ASTN2: variants seen among roughly 807,000 people sequenced by gnomAD.
ASTN2 encodes astrotactin 2.
Under a neutral mutation model 139.8 loss-of-function variants are expected in ASTN2, and 54 were observed. That is an observed-to-expected ratio of 0.39 (90% CI 0.31 to 0.48). The LOEUF is 0.48. Ranked by LOEUF, ASTN2 falls within the 20% of genes least tolerant of loss-of-function variation. The probability of loss-of-function intolerance (pLI) is 0.95; values close to 1 mark genes in which losing one functional copy is unlikely to be tolerated. For synonymous variants in ASTN2, 756 were observed against 719.5 expected (o/e 1.05, Z -0.81); for missense variants, 1,565 against 1,725.1 (o/e 0.91, Z 1.64).
At chr9:116,965,552 T>C (rs1835989782) in intron 10 of ASTN2, among the ~76,000 whole-genome samples, 1 of 152,140 alleles carries the variant, frequency 6.6e-6, no homozygotes, top group Middle Eastern at 3.2e-3. Flanking sequence ...GGTTGTACAA[T>C]AGAAGAGAAT....
intron 2 of ASTN2, among the ~76,000 whole-genome samples, chr9:117,223,108 C>T (rs1031902487): frequency 3.3e-5 from 5 of 151,964 alleles, no homozygotes; most frequent in Non-Finnish European, 5.9e-5. Context: ...TTTTTTATGC[C>T]GTAGGGTGGC....
chr9:117,096,385 C>T (rs1564423983), intron 4 of ASTN2, among the ~76,000 whole-genome samples: 1 of 152,166 alleles, frequency 6.6e-6, no homozygotes, highest in Admixed American at 6.5e-5. Context: ...AGAAAACACA[C>T]CTTTCTGAGC....
intron 2 of ASTN2, among the ~76,000 whole-genome samples, chr9:117,232,118 G>A (rs1293165180): frequency 6.6e-6 from 1 of 152,106 alleles, no homozygotes; most frequent in African/African-American, 2.4e-5. Context: ...AAAAGTAACA[G>A]CAAAAGGTAA....
intron 2 of ASTN2, among the ~76,000 whole-genome samples, chr9:117,227,136 C>T (rs1305543860): frequency 6.6e-6 from 1 of 152,084 alleles, no homozygotes; most frequent in African/African-American, 2.4e-5. Context: ...GGGTGAGGGT[C>T]ATGGTCAGGG....
At chr9:117,189,030 G>A (rs1308614182) in intron 3 of ASTN2, among the ~76,000 whole-genome samples, 2 of 152,016 alleles carry the variant, frequency 1.3e-5, no homozygotes, top group African/African-American at 4.8e-5. Flanking sequence ...GTCCCCACCT[G>A]GGACAGTGGG....
intron 22 of ASTN2, among the ~76,000 whole-genome samples, chr9:116,429,733 A>G (rs919775013): frequency 1.3e-5 from 2 of 152,178 alleles, no homozygotes; most frequent in African/African-American, 4.8e-5. Context: ...TTTATAACTC[A>G]GTGACAAGAG....
At chr9:117,321,742 GA>G (rs1828331513) in intron 1 of ASTN2, among the ~76,000 whole-genome samples, 1 of 152,084 alleles carries the variant, frequency 6.6e-6, no homozygotes, top group African/African-American at 2.4e-5. Flanking sequence ...CTCAACATTG[GA>G]ACTATTCACA....
At chr9:116,615,261 T>C (rs1270525710) in intron 19 of ASTN2, among the ~76,000 whole-genome samples, 1 of 152,148 alleles carries the variant, frequency 6.6e-6, no homozygotes, top group Non-Finnish European at 1.5e-5. Context: ...ATAGGAAGAC[T>C]TTTACACTGT....
intron 19 of ASTN2, chr9:116,552,299 T>G (rs1291210308): frequency 6.6e-6 from 1 of 152,204 alleles, no homozygotes; most frequent in African/African-American, 2.4e-5. Flanking sequence ...TTTTGCTCAT[T>G]TTATTTATTT....
At chr9:117,104,829 TA>T (rs1829064659) in intron 4 of ASTN2, among the ~76,000 whole-genome samples, 1 of 152,184 alleles carries the variant, frequency 6.6e-6, no homozygotes. Context: ...AAGTACTCTT[TA>T]TTGCTGCAGT....
At chr9:117,329,180 C>CTTTT (rs749880987) in intron 1 of ASTN2, among the ~76,000 whole-genome samples, 5 of 82,574 alleles carry the variant, frequency 6.1e-5, no homozygotes, top group East Asian at 4.6e-4. Flanking sequence ...CTTCCAAGTT[C>CTTTT]TTTTTTTTTT....
intron 5 of ASTN2, among the ~76,000 whole-genome samples, chr9:117,071,237 C>A (rs1402271353): frequency 6.6e-6 from 1 of 151,542 alleles, no homozygotes; most frequent in African/African-American, 2.4e-5. Flanking sequence ...ATAGACAGGA[C>A]CCTCAGCTGC....
intron 3 of ASTN2, among the ~76,000 whole-genome samples, chr9:117,191,283 A>G (rs1831341809): frequency 4.6e-5 from 7 of 151,878 alleles, no homozygotes. Context: ...ATTATGAAGC[A>G]GTCATGAGAT....
chr9:117,176,775 T>C (rs535500922), intron 3 of ASTN2, among the ~76,000 whole-genome samples: 1 of 152,192 alleles, frequency 6.6e-6, no homozygotes, highest in South Asian at 2.1e-4. Flanking sequence ...TCCAAAAAAT[T>C]GTTTTAATTA....
intron 10 of ASTN2, among the ~76,000 whole-genome samples, chr9:116,893,159 T>TCACTCA (rs1833804411): frequency 6.7e-6 from 1 of 149,232 alleles, no homozygotes; most frequent in Admixed American, 6.7e-5. Flanking sequence ...TAAAGGTGTA[T>TCACTCA]CACACACACA....
chr9:116,802,127 C>T (rs1830879513), intron 13 of ASTN2, among the ~76,000 whole-genome samples: 2 of 140,232 alleles, frequency 1.4e-5, no homozygotes, highest in Non-Finnish European at 3.0e-5. Context: ...CTTGCTCTGT[C>T]TCCCAGGCTG....
intron 4 of ASTN2, among the ~76,000 whole-genome samples, chr9:117,103,015 A>G (rs1194834402): frequency 6.6e-6 from 1 of 152,118 alleles, no homozygotes; most frequent in Non-Finnish European, 1.5e-5. Flanking sequence ...TGAAAGAATC[A>G]AGAGCTCAGA....
chr9:117,200,893 G>T (rs1188816491), intron 3 of ASTN2, among the ~76,000 whole-genome samples: 5 of 152,034 alleles, frequency 3.3e-5, no homozygotes, highest in African/African-American at 1.2e-4. Context: ...AGTTAGGAAG[G>T]AGTCCCTCCT....
At chr9:116,907,827 G>A (rs754056030) in intron 10 of ASTN2, among the ~76,000 whole-genome samples, 1 of 152,190 alleles carries the variant, frequency 6.6e-6, no homozygotes, top group South Asian at 2.1e-4. Flanking sequence ...GCTGCAGGAC[G>A]TGGGTCCGAA....
Sources: gnomAD v4.1 joint callset for allele counts (sites outside exome capture counted in the v4.1 genomes callset) on GRCh38, gnomAD v4.1.1 for gene constraint, MANE v1.5 for transcripts, NCBI Gene and HGNC (gene_info 2026-07-23, HGNC 2026-07-21) for gene names.